Variants in PPM1D observed in about 807,000 individuals in gnomAD.
The protein encoded by PPM1D is protein phosphatase, Mg2+/Mn2+ dependent 1D.
In PPM1D, 52 loss-of-function variants were observed where a neutral mutation model predicts 58.3. The ratio of observed to expected loss-of-function variants is 0.89; its 90% confidence interval spans 0.71 to 1.12. The LOEUF (loss-of-function observed/expected upper bound fraction) is 1.12. PPM1D is among the 50% of genes most tolerant of loss of function. The pLI, the probability that PPM1D is intolerant of heterozygous loss-of-function variation, is 0.00. For synonymous variants in PPM1D, 278 were observed against 285.1 expected, an observed-to-expected ratio of 0.98 and a Z score of 0.25; for missense variants, 564 against 777.2, an observed-to-expected ratio of 0.73 and a Z score of 3.26.
At chr17:60,645,548 A>G (rs1418797043) in intron 3 of PPM1D, among the ~76,000 whole-genome samples, 1 of 127,380 alleles carries the variant, frequency 7.9e-6, no homozygotes, top group Non-Finnish European at 1.5e-5. Context: ...ATATATATGT[A>G]TATATATGTG....
In PPM1D at chr17:60,664,929, C is replaced by T. The variant is rs997145792; in HGVS notation, c.*1377C>T. On this transcript the variant is annotated 3_prime_UTR_variant, in exon 6 of 6. Coordinates refer to ENST00000305921, the MANE Select transcript of PPM1D (RefSeq NM_003620.4). ...TGATTCTCCTGCCTCAATCTCTCTC[C>T]CCAGAAGCTGGGATTACAGGTGTGT... 7.3e-5 allele frequency: 11 copies of T among 151,004 alleles called. No individual in the cohort carries two copies. The highest frequency in any genetic ancestry group is 1.3e-4 in the Non-Finnish European group (9 of 68,038). The allele number at this position is 151,004 out of a possible 1,614,324, so 9.4% of individuals were successfully genotyped here. A position where few individuals can be genotyped will look rare whatever the true frequency, so the allele number is the denominator to read the frequency against.
chr17:60,604,010 T>A (rs965782704), intron 1 of PPM1D, among the ~76,000 whole-genome samples: 3 of 152,262 alleles, frequency 2.0e-5, no homozygotes, highest in Admixed American at 6.5e-5. Flanking sequence ...TTTGAAACCT[T>A]AGTAATGAAT....
At chr17:60,601,797 A>G (rs1177024647) in intron 1 of PPM1D, among the ~76,000 whole-genome samples, 2 of 152,226 alleles carry the variant, frequency 1.3e-5, no homozygotes, top group Non-Finnish European at 2.9e-5. Flanking sequence ...TTTGTAAAGC[A>G]GGCAGGATTT....
chr17:60,615,902 C>T (rs900649592), intron 1 of PPM1D, among the ~76,000 whole-genome samples: 1 of 152,090 alleles, frequency 6.6e-6, no homozygotes, highest in Admixed American at 6.6e-5. Context: ...TCACAGTGCA[C>T]TATAGCTTCT....
chr17:60,657,669 T>C (rs2031464184), intron 5 of PPM1D, among the ~76,000 whole-genome samples: 1 of 152,262 alleles, frequency 6.6e-6, no homozygotes, highest in Admixed American at 6.5e-5. Context: ...ACTGCTTTGC[T>C]TTCTTTCACT....
chr17:60,649,287 A>G (rs1160641527), intron 4 of PPM1D, among the ~76,000 whole-genome samples: 1 of 152,170 alleles, frequency 6.6e-6, no homozygotes, highest in African/African-American at 2.4e-5. Context: ...TCAAAAATCC[A>G]AAGATGGGTT....
At chr17:60,635,111 A>G (rs1162955553) in intron 3 of PPM1D, among the ~76,000 whole-genome samples, 4 of 151,926 alleles carry the variant, frequency 2.6e-5, no homozygotes, top group Admixed American at 2.6e-4. Flanking sequence ...CCAATGTGAA[A>G]CTAATTTTCT....
At chr17:60,616,383 A>G (rs914971067) in intron 1 of PPM1D, among the ~76,000 whole-genome samples, 3 of 152,130 alleles carry the variant, frequency 2.0e-5, no homozygotes, top group African/African-American at 7.2e-5. Context: ...CCGAGGCGGC[A>G]GATTACTGAA....
intron 1 of PPM1D, among the ~76,000 whole-genome samples, chr17:60,622,881 A>G (rs2030734271): frequency 6.6e-6 from 1 of 152,178 alleles, no homozygotes; most frequent in Admixed American, 6.5e-5. Context: ...TGGATCACCC[A>G]AGGTCAGGAG....
intron 3 of PPM1D, among the ~76,000 whole-genome samples, chr17:60,638,768 A>G (rs905650583): frequency 6.6e-6 from 1 of 152,198 alleles, no homozygotes; most frequent in African/African-American, 2.4e-5. Flanking sequence ...TTAAATGCTC[A>G]TATTTAGCAC....
rs763597816 is a variant in PPM1D, at chr17:60,600,597, C to T, written c.183C>T (p.Gly61=). ...CGTCGCCGGCCGCCCTTCCCGGCGG[C>T]GAAGTCTCGGGGAAAGGCCCAGCGG... ...PRPSPAALPG[G]EVSGKGPAVA... is the part of the protein sequence containing the mutation. Residue 61 remains glycine, a synonymous_variant, in exon 1 of 6, where the codon GGC becomes GGT. Coordinates refer to ENST00000305921, the MANE Select transcript of PPM1D (RefSeq NM_003620.4). The T allele has an allele frequency of 3.9e-5, 61 of 1,558,382 alleles. No homozygotes were observed. The highest frequency in any genetic ancestry group is 4.9e-5 in the Non-Finnish European group (57 of 1,152,748).
chr17:60,651,778 A>C (rs1348439107), intron 4 of PPM1D, among the ~76,000 whole-genome samples: 1 of 152,214 alleles, frequency 6.6e-6, no homozygotes, highest in Non-Finnish European at 1.5e-5. Flanking sequence ...ATGGTATTCT[A>C]CATGAAGAAA....
intron 2 of PPM1D, among the ~76,000 whole-genome samples, chr17:60,632,086 C>T (rs964380252): frequency 2.6e-5 from 4 of 151,816 alleles, no homozygotes; most frequent in South Asian, 2.1e-4. Context: ...CCCAGCTACT[C>T]GGGAGGCTGA....
chr17:60,625,034 C>T (rs762197306), intron 2 of PPM1D, among the ~76,000 whole-genome samples: 2 of 151,458 alleles, frequency 1.3e-5, no homozygotes, highest in South Asian at 2.1e-4. Context: ...CCCAACTATT[C>T]GGGAGGCTGA....
In PPM1D at chr17:60,617,342, TTTTG is replaced by T. The variant is rs1009578049; in HGVS notation, c.473-6167_473-6164del. ...ACATTTATTGTAGTAGAAGTTTTTT[TTTTG>T]TTTGTTTGTTTTTTAATTTACTTCA... On this transcript the variant is annotated intron_variant, in intron 1 of 5. Transcript: ENST00000305921. Among the ~76,000 whole-genome samples the T allele has an allele frequency of 2.8e-4, 42 of 152,092 alleles. No homozygotes were observed. The East Asian group carries it at 3.7e-3, about 13-fold the overall frequency.
At chr17:60,603,597 T>A (rs2030267037) in intron 1 of PPM1D, among the ~76,000 whole-genome samples, 1 of 152,164 alleles carries the variant, frequency 6.6e-6, no homozygotes, top group Non-Finnish European at 1.5e-5. Flanking sequence ...ACCTTGTCTC[T>A]ACTAAAAATA....
chr17:60,634,492 C>A (rs1326115726), intron 3 of PPM1D, among the ~76,000 whole-genome samples: 1 of 152,158 alleles, frequency 6.6e-6, no homozygotes, highest in Non-Finnish European at 1.5e-5. Flanking sequence ...TTGCTAATTT[C>A]TATCTCTGTT....
At chr17:60,625,408 A>G (rs547453678) in intron 2 of PPM1D, among the ~76,000 whole-genome samples, 22 of 152,242 alleles carry the variant, frequency 1.4e-4, no homozygotes, top group Non-Finnish European at 2.4e-4. Context: ...AATAATATAT[A>G]CCAGTAGCTT....
chr17:60,626,539 C>T (rs1363176279), intron 2 of PPM1D, among the ~76,000 whole-genome samples: 5 of 151,666 alleles, frequency 3.3e-5, no homozygotes, highest in Non-Finnish European at 5.9e-5. Flanking sequence ...GGACTACAGG[C>T]GCCTGCCACC....
Sources: allele counts gnomAD v4.1 joint callset (sites outside exome capture counted in the v4.1 genomes callset), GRCh38; gene constraint gnomAD v4.1.1; transcripts MANE v1.5; gene names NCBI Gene and HGNC (gene_info 2026-07-23, HGNC 2026-07-21).